Variants in PHLPP2 observed in about 807,000 individuals in gnomAD.
PHLPP2 encodes the protein PH domain and leucine rich repeat protein phosphatase 2.
In PHLPP2, 66 loss-of-function variants were observed where a neutral mutation model predicts 124.9. The observed-to-expected ratio is 0.53, with a 90% CI of 0.43 to 0.65. The LOEUF (loss-of-function observed/expected upper bound fraction) is 0.65. Ranked by LOEUF, PHLPP2 falls within the 30% of genes least tolerant of loss-of-function variation. PHLPP2 has a pLI of 0.00. For missense variants in PHLPP2, 1,685 were observed against 1,600.4 expected, an observed-to-expected ratio of 1.05 and a Z score of -0.90; for synonymous variants, 681 against 624.7, an observed-to-expected ratio of 1.09 and a Z score of -1.34.
intron 4 of PHLPP2, among the ~76,000 whole-genome samples, chr16:71,686,339 A>T (rs185538668): frequency 6.6e-6 from 1 of 152,020 alleles, no homozygotes; most frequent in East Asian, 1.9e-4. Flanking sequence ...TTCCTGGCTA[A>T]TTTTTTATTT....
At chr16:71,692,860 G>C (rs911326891) in intron 3 of PHLPP2, among the ~76,000 whole-genome samples, 1 of 151,332 alleles carries the variant, frequency 6.6e-6, no homozygotes, top group African/African-American at 2.4e-5. Flanking sequence ...ATCCATTGTG[G>C]ATATGGACGA....
intron 8 of PHLPP2, chr16:71,676,904 T>C: frequency 2.4e-6 from 1 of 419,534 alleles, no homozygotes; most frequent in African/African-American, 2.0e-5. Context: ...ACCCCCACCA[T>C]GCCAGGCTAA....
Position 71,649,042 on chromosome 16 carries a change from G to T in PHLPP2, c.3820C>A (p.Gln1274Lys). The change falls in exon 19 of 19, where the codon CAG (glutamine) becomes AAG (lysine). Residue 1274 changes from glutamine (Q) to lysine (K), a missense_variant. Coordinates refer to ENST00000568954, the MANE Select transcript of PHLPP2 (RefSeq NM_015020.3). ...ACAAACTGGTCCTCTGGTTCCATCT[G>T]AGTGGGGGCAGCAAAATAGCCAGTT... Reference protein sequence around the residue: ...RKTGYFAAPTQMEPEDQFVVP... With the variant: ...RKTGYFAAPTKMEPEDQFVVP... 1 of 1,614,164 alleles carries T rather than the reference G, an allele frequency of 6.2e-7. No homozygotes were observed. Among genetic ancestry groups the T allele is most frequent in the Non-Finnish European group, 8.5e-7 (1 of 1,180,024 alleles).
At chr16:71,660,846 C>T (rs757406033) in intron 13 of PHLPP2, among the ~76,000 whole-genome samples, 2 of 152,050 alleles carry the variant, frequency 1.3e-5, no homozygotes, top group Non-Finnish European at 2.9e-5. Context: ...TTTCTGAGTA[C>T]CCAGAACTGT....
chr16:71,683,478 T>C (rs1468924540), intron 5 of PHLPP2, among the ~76,000 whole-genome samples: 1 of 152,198 alleles, frequency 6.6e-6, no homozygotes, highest in Non-Finnish European at 1.5e-5. Context: ...GGACCCAAGT[T>C]ATGGAATGAA....
intron 10 of PHLPP2, 58 bp downstream of exon 10, chr16:71,672,204 T>A (rs1183381204): frequency 7.7e-7 from 1 of 1,294,164 alleles, no homozygotes; most frequent in Non-Finnish European, 1.1e-6. Context: ...TGCCAAAAAA[T>A]CCACATGTAT....
intron 4 of PHLPP2, among the ~76,000 whole-genome samples, chr16:71,687,353 T>C (rs1001687672): frequency 3.9e-5 from 6 of 152,212 alleles, no homozygotes; most frequent in African/African-American, 1.4e-4. Flanking sequence ...TCTCATATGC[T>C]ATTAATATAA....
In PHLPP2 at chr16:71,679,405, T is replaced by C; in HGVS notation, c.1021A>G (p.Ile341Val). ...CNGFHDLPSQ[I>V]GNLLNLQTLC... is the part of the protein sequence containing the mutation. ...GTTACTTACTTTAGCAGATTGCCAA[T>C]TTGACTTGGTAGGTCATGAAATCCA... Residue 341 changes from isoleucine to valine, a missense_variant, in exon 7 of 19, where the codon ATT becomes GTT. Physicochemically the swap from Ile to Val is conservative, Grantham distance 29. Coordinates refer to ENST00000568954, the MANE Select transcript of PHLPP2 (RefSeq NM_015020.3). 4.3e-6 allele frequency: 7 copies of C among 1,613,996 alleles called. No individual in the cohort carries two copies. Among genetic ancestry groups the C allele is most frequent in the Non-Finnish European group, 5.9e-6 (7 of 1,179,894 alleles).
At position 71,655,431 on chromosome 16, in the gene PHLPP2, C is replaced by T; in HGVS notation, c.2394G>A (p.Leu798=). The T allele has an allele frequency of 6.2e-7, 1 of 1,611,106 alleles. No individual in the cohort carries two copies. The highest frequency in any genetic ancestry group is 1.3e-5 in the African/African-American group (1 of 74,934). The change falls in exon 17 of 19, where the codon CTG becomes CTA. Residue 798 remains leucine (L), a synonymous_variant. Coordinates refer to ENST00000568954, the MANE Select transcript of PHLPP2 (RefSeq NM_015020.3). ...LAEMAGQRNK[L]CVSALAMDSF... Reference sequence around the variant, plus strand: ...TATCCATAGCAAGTGCTGAGACACACAGCCTATAATAGAAACATGAAAACA... The same window carrying T: ...TATCCATAGCAAGTGCTGAGACACATAGCCTATAATAGAAACATGAAAACA...
Position 71,649,921 on chromosome 16 carries a change from T to C in PHLPP2, c.2941A>G (p.Ile981Val), listed in dbSNP as rs1567610716. 2 of 1,614,200 alleles carry C rather than the reference T, an allele frequency of 1.2e-6. No homozygotes were observed. The highest frequency in any genetic ancestry group is 1.6e-4 in the Middle Eastern group (1 of 6,062). Residue 981 changes from isoleucine (I) to valine (V), a missense_variant, in exon 19 of 19, where the codon ATT becomes GTT. Ile to Val is a conservative substitution (Grantham distance 29, BLOSUM62 3). Transcript: ENST00000568954. ...TCCCACAATGCTTTGTTTCCCAGAA[T>C]CAGCAACTCATCTTGAATGGTCAGC... is the stretch of plus-strand genomic sequence containing the variant. ...TPLTIQDELL[I>V]LGNKALWEHL...
chr16:71,658,141 A>C, intron 15 of PHLPP2, 92 bp downstream of exon 15: 1 of 1,085,772 alleles, frequency 9.2e-7, no homozygotes, highest in Non-Finnish European at 1.3e-6. Flanking sequence ...CTGTTCTTTT[A>C]ATTAATCAAG....
intron 10 of PHLPP2, 37 bp downstream of exon 10, chr16:71,672,225 G>A: frequency 6.6e-7 from 1 of 1,526,196 alleles, no homozygotes. Flanking sequence ...CTCTTAAATA[G>A]TAAGAAGCAA....
Position 71,691,333 on chromosome 16 carries a change from C to G in PHLPP2, c.419-624G>C, listed in dbSNP as rs192740331. Among the ~76,000 whole-genome samples the G allele has an allele frequency of 5.1e-4, 78 of 152,100 alleles. 1 individual carries two copies. Among genetic ancestry groups the G allele is most frequent in the Non-Finnish European group, 9.3e-4 (63 of 67,978 alleles). On this transcript the variant is annotated intron_variant, in intron 3 of 18. Transcript: ENST00000568954. ...AAAATTAGCCGGGCATGGTGGCGGA[C>G]ACCTATAGTCCCAGCTGCTCAGGAA...
chr16:71,681,425 T>C (rs1321908377), intron 6 of PHLPP2, among the ~76,000 whole-genome samples: 1 of 152,298 alleles, frequency 6.6e-6, no homozygotes, highest in South Asian at 2.1e-4. Context: ...TCCTTTAAGT[T>C]ACTGAAATTT....
At chr16:71,686,098 T>A (rs1320915448) in intron 4 of PHLPP2, among the ~76,000 whole-genome samples, 1 of 152,204 alleles carries the variant, frequency 6.6e-6, no homozygotes, top group African/African-American at 2.4e-5. Flanking sequence ...AGAGCGAGAC[T>A]CTGTCTCAAA....
chr16:71,658,869 G>C, intron 13 of PHLPP2, 54 bp from the exon 14 acceptor site: 5 of 1,538,224 alleles, frequency 3.3e-6, no homozygotes, highest in Admixed American at 3.4e-5. Flanking sequence ...CAGCTGCCAA[G>C]GAAGTGCTAT....
intron 3 of PHLPP2, among the ~76,000 whole-genome samples, chr16:71,700,608 C>T (rs908432621): frequency 6.8e-6 from 1 of 147,574 alleles, no homozygotes; most frequent in Non-Finnish European, 1.5e-5. Context: ...TCACTGCAAG[C>T]TCTACCTCCC....
rs866533341 is a variant in PHLPP2, at chr16:71,674,938, A to C, written c.1471+1509T>G. Among the ~76,000 whole-genome samples, 16 of 152,372 alleles carry C rather than the reference A, an allele frequency of 1.1e-4. 1 individual carries two copies. The Middle Eastern group carries it at 0.017, about 162-fold the overall frequency. ...CTTGAACCTGGGCAGCAGAGGTTGC[A>C]GTGAGCTGAGACCAGGCAACTGCAC... On this transcript the variant is annotated intron_variant, in intron 9 of 18. Transcript: ENST00000568954.
At position 71,645,583 on chromosome 16, in the gene PHLPP2, G is replaced by A. The variant is rs1182725413; in HGVS notation, c.*3307C>T. On this transcript the variant is annotated 3_prime_UTR_variant, in exon 19 of 19. Coordinates refer to ENST00000568954, the MANE Select transcript of PHLPP2 (RefSeq NM_015020.3). ...TTCCAAGTACCGGCTTTTGCTGAAG[G>A]TCTACATGGGAAGAAGAGCATCATT... 3 of 152,786 alleles carry A rather than the reference G, an allele frequency of 2.0e-5. No homozygotes were observed. The highest frequency in any genetic ancestry group is 4.4e-5 in the Non-Finnish European group (3 of 68,040). 9.5% of individuals were successfully genotyped at this position (152,786 alleles called of 1,614,324 possible). A position where few individuals can be genotyped will look rare whatever the true frequency, so the allele number is the denominator to read the frequency against.
Sources: gnomAD v4.1 joint callset for allele counts (sites outside exome capture counted in the v4.1 genomes callset) on GRCh38, gnomAD v4.1.1 for gene constraint, MANE v1.5 for transcripts, NCBI Gene and HGNC (gene_info 2026-07-23, HGNC 2026-07-21) for gene names.